LRRD1: variants seen among roughly 807,000 people sequenced by gnomAD.
LRRD1 encodes the protein leucine rich repeats and death domain containing 1, also known as leucine-rich repeat and death domain-containing protein 1.
A neutral mutation model predicts 69.5 loss-of-function variants in LRRD1; 49 were observed. The ratio of observed to expected loss-of-function variants is 0.70; its 90% CI spans 0.56 to 0.89. LRRD1 has a LOEUF of 0.89. Among genes scored for constraint, LRRD1 ranks in the 40% least tolerant of loss-of-function variants. LRRD1 has a pLI of 0.00. For synonymous variants in LRRD1, 303 were observed against 338.9 expected, an observed-to-expected ratio of 0.89 and a Z score of 1.16; for missense variants, 853 against 956.0, an observed-to-expected ratio of 0.89 and a Z score of 1.42.
intron 1 of LRRD1, among the ~76,000 whole-genome samples, chr7:92,177,007 T>C (rs1313104451): frequency 6.7e-6 from 1 of 148,516 alleles, no homozygotes; most frequent in East Asian, 1.9e-4. Context: ...AATAAAAATA[T>C]AAGAAATTTA....
Position 92,172,942 on chromosome 7 carries a change from T to A in LRRD1, c.-75+6065A>T, listed in dbSNP as rs181638943. Among the ~76,000 whole-genome samples the A allele has an allele frequency of 1.9e-3, 291 of 152,204 alleles. 3 individuals carry two copies. The highest frequency in any genetic ancestry group is 6.5e-3 in the African/African-American group (268 of 41,536). On this transcript the variant is annotated intron_variant, in intron 1 of 5. Coordinates refer to ENST00000458448, the MANE Select transcript of LRRD1 (RefSeq NM_001161528.2). The stretch of plus-strand genomic sequence containing the variant: ...AGGCATCATCCTTCCTGACTCCAAA[T>A]TATACCCCAAAGTTATAGTAACCAA...
chr7:92,142,519 T>C (rs1239024869), downstream of LRRD1: 1 of 456,700 alleles, frequency 2.2e-6, no homozygotes, highest in Admixed American at 2.3e-5. Context: ...AAAGAAACTG[T>C]TAATGGCCTG....
chr7:92,167,571 G>C (rs1788939208), intron 1 of LRRD1, among the ~76,000 whole-genome samples: 1 of 151,174 alleles, frequency 6.6e-6, no homozygotes, highest in African/African-American at 2.4e-5. Flanking sequence ...TTTTCATCTG[G>C]GGTAGTTAAG....
chr7:92,157,218 T>A (rs1173721967), intron 3 of LRRD1, among the ~76,000 whole-genome samples: 1 of 151,810 alleles, frequency 6.6e-6, no homozygotes, highest in African/African-American at 2.4e-5. Flanking sequence ...ATACTTACAG[T>A]GAGAAGTTCA....
downstream of LRRD1, chr7:92,142,150 G>C (rs971913731): frequency 4.4e-6 from 1 of 226,094 alleles, no homozygotes; most frequent in African/African-American, 2.3e-5. Context: ...CACTGTGTTA[G>C]CCAGGATGGT....
chr7:92,143,693 G>A (rs908569708), downstream of LRRD1, among the ~76,000 whole-genome samples: 6 of 152,148 alleles, frequency 3.9e-5, no homozygotes, highest in African/African-American at 9.7e-5. Context: ...CCGGGTTCCC[G>A]CCCGCGCCTC....
intron 1 of LRRD1, among the ~76,000 whole-genome samples, chr7:92,170,977 T>G (rs997683598): frequency 1.3e-5 from 2 of 152,046 alleles, no homozygotes; most frequent in Non-Finnish European, 2.9e-5. Flanking sequence ...ATTAAGGAAA[T>G]TAAAAAGTTT....
rs1820442339 is a variant in LRRD1, at chr7:92,150,616, CA to C, written c.2195del (p.Leu732CysfsTer2). On this transcript the variant is annotated frameshift_variant, in exon 4 of 6. Transcript: ENST00000458448. LOFTEE classifies it high-confidence loss of function. ...LKEINFDDNP[L>X]LRPPVEICKG... is the part of the protein sequence containing the mutation. ...TACAGATTTCCACTGGAGGTCTCAG[CA>C]AAGGGTTGTCATCAAAATTTATCTC... The C allele has an allele frequency of 6.4e-7, 1 of 1,551,168 alleles. No homozygotes were observed. Among genetic ancestry groups the C allele is most frequent in the African/African-American group, 1.4e-5 (1 of 73,148 alleles).
rs1428495272 is a variant in LRRD1, at chr7:92,164,248, G to T, written c.955C>A (p.Pro319Thr). The change falls in exon 2 of 6, where the codon CCA becomes ACA. Residue 319 changes from proline to threonine, a missense_variant. By Grantham distance (38) the Pro-to-Thr change is conservative (BLOSUM62 -1). This residue lies in a region of LRRD1 where 739 missense variants were observed against 808.0 expected (regional missense o/e 0.91). Coordinates refer to ENST00000458448, the MANE Select transcript of LRRD1 (RefSeq NM_001161528.2). ...TTTTTAAGCTCTCTAATTTCTTTTGGCAAACTGCTTATTAGGTTTCCAGTA... is the reference window on the plus strand; with the variant it reads ...TTTTTAAGCTCTCTAATTTCTTTTGTCAAACTGCTTATTAGGTTTCCAGTA... Reference protein sequence around the residue: ...DLTGNLISSLPKEIRELKNLE... With the variant: ...DLTGNLISSLTKEIRELKNLE... The T allele has an allele frequency of 2.6e-6, 4 of 1,550,418 alleles. No individual in the cohort carries two copies. Among genetic ancestry groups the T allele is most frequent in the Non-Finnish European group, 3.5e-6 (4 of 1,146,574 alleles).
At chr7:92,174,170 G>C (rs1789114622) in intron 1 of LRRD1, among the ~76,000 whole-genome samples, 2 of 151,924 alleles carry the variant, frequency 1.3e-5, no homozygotes, top group Admixed American at 1.3e-4. Flanking sequence ...AGGTCAGGAA[G>C]GGTAGGGGTA....
At chr7:92,143,849 G>T (rs1180021558), downstream of LRRD1, among the ~76,000 whole-genome samples, 1 of 152,272 alleles carries the variant, frequency 6.6e-6, no homozygotes, top group Non-Finnish European at 1.5e-5. Flanking sequence ...CCGAGAGCGA[G>T]CGAGGGCTGT....
chr7:92,173,873 C>T lies in LRRD1; in HGVS notation c.-75+5134G>A, dbSNP rs150963719. 2.8e-3 allele frequency among the ~76,000 whole-genome samples: 421 copies of T among 152,252 alleles called. 1 individual carries two copies. The highest frequency in any genetic ancestry group is 9.8e-3 in the African/African-American group (406 of 41,556). ...AATCACTATATCAAAGAGATATCTA[C>T]ACTCCATGTTTATTGCAGCACTGTT... On this transcript the variant is annotated intron_variant, in intron 1 of 5. Coordinates refer to ENST00000458448, the MANE Select transcript of LRRD1 (RefSeq NM_001161528.2).
At chr7:92,155,022 T>A (rs1250622117) in intron 3 of LRRD1, among the ~76,000 whole-genome samples, 2 of 152,250 alleles carry the variant, frequency 1.3e-5, no homozygotes, top group East Asian at 3.8e-4. Context: ...CACAAATTTC[T>A]TTTTCTGTCT....
downstream of LRRD1, among the ~76,000 whole-genome samples, chr7:92,143,686 G>C (rs373619493): frequency 1.2e-4 from 18 of 152,322 alleles, no homozygotes; most frequent in African/African-American, 4.3e-4. Flanking sequence ...GTGCAGCCCG[G>C]GTTCCCGCCC....
Position 92,147,101 on chromosome 7 carries a change from G to A in LRRD1, c.2279-901C>T, listed in dbSNP as rs192649846. Among the ~76,000 whole-genome samples the A allele has an allele frequency of 4.1e-3, 567 of 139,638 alleles. 2 individuals are homozygous for A. Among genetic ancestry groups the A allele is most frequent in the South Asian group, 7.2e-3 (32 of 4,430 alleles). 91.6% of individuals were successfully genotyped at this position (139,638 alleles called of 152,430 possible). ...TTTTTTGAGACAGAGTTTCACTCTT[G>A]TTGCCCAGGCTGGAGTGCAATGGCA... On this transcript the variant is annotated intron_variant, in intron 4 of 5. Coordinates refer to ENST00000458448, the MANE Select transcript of LRRD1 (RefSeq NM_001161528.2).
chr7:92,170,499 C>T (rs187824738), intron 1 of LRRD1, among the ~76,000 whole-genome samples: 1 of 152,190 alleles, frequency 6.6e-6, no homozygotes, highest in Admixed American at 6.5e-5. Flanking sequence ...AGAAAAGGCG[C>T]AAATAACATA....
At chr7:92,168,261 G>A (rs1788966083) in intron 1 of LRRD1, among the ~76,000 whole-genome samples, 1 of 152,168 alleles carries the variant, frequency 6.6e-6, no homozygotes, top group Non-Finnish European at 1.5e-5. Flanking sequence ...GTGAGATCAA[G>A]GTGGACAGCT....
At chr7:92,170,809 TC>T (rs1187422017) in intron 1 of LRRD1, among the ~76,000 whole-genome samples, 2 of 152,126 alleles carry the variant, frequency 1.3e-5, no homozygotes, top group African/African-American at 4.8e-5. Context: ...ACAAAACTGG[TC>T]TCAACAAATT....
chr7:92,148,406 C>A (rs1017687548), intron 4 of LRRD1, among the ~76,000 whole-genome samples: 1 of 152,084 alleles, frequency 6.6e-6, no homozygotes, highest in Non-Finnish European at 1.5e-5. Context: ...TGTACCATCC[C>A]GCGTGATCAA....
Sources: allele counts gnomAD v4.1 joint callset (sites outside exome capture counted in the v4.1 genomes callset), GRCh38; gene constraint gnomAD v4.1.1; regional missense constraint gnomAD v4.1.1; transcripts MANE v1.5; gene names NCBI Gene and HGNC (gene_info 2026-07-23, HGNC 2026-07-21).